ARID5B: variants seen among roughly 807,000 people sequenced by gnomAD.
ARID5B encodes the protein AT-rich interactive domain-containing protein 5B.
ARID5B carries 13 observed loss-of-function variants against 97.2 expected under a neutral mutation model. The observed-to-expected ratio is 0.13, with a 90% CI of 0.09 to 0.21. The LOEUF (loss-of-function observed/expected upper bound fraction) is 0.21, where lower values mean the gene tolerates loss of function less well. Among genes scored for constraint, ARID5B ranks in the 10% least tolerant of loss-of-function variants. The pLI is 1.00. For missense variants in ARID5B, 1,210 were observed against 1,465.3 expected (o/e 0.83, Z 2.84); for synonymous variants, 556 against 570.3 (o/e 0.97, Z 0.36).
At chr10:62,006,817 T>G (rs569735391) in intron 4 of ARID5B, among the ~76,000 whole-genome samples, 1 of 152,346 alleles carries the variant, frequency 6.6e-6, no homozygotes, top group South Asian at 2.1e-4. Flanking sequence ...ATTTCTTTTC[T>G]GTTTTTGGAA....
At chr10:61,946,236 G>T (rs1308233418) in intron 3 of ARID5B, among the ~76,000 whole-genome samples, 1 of 152,036 alleles carries the variant, frequency 6.6e-6, no homozygotes, top group Non-Finnish European at 1.5e-5. Context: ...ATTGCAAATG[G>T]TTGTTTCAGA....
chr10:61,921,720 C>T (rs1257131264), intron 2 of ARID5B, among the ~76,000 whole-genome samples: 1 of 152,328 alleles, frequency 6.6e-6, no homozygotes, highest in South Asian at 2.1e-4. Flanking sequence ...ATCTTCGAGG[C>T]CACCTATTAC....
chr10:61,950,304 C>T (rs547349046), intron 3 of ARID5B, among the ~76,000 whole-genome samples: 1 of 152,314 alleles, frequency 6.6e-6, no homozygotes, highest in East Asian at 1.9e-4. Flanking sequence ...CCATGCCTGG[C>T]CCGGACCATC....
intron 8 of ARID5B, among the ~76,000 whole-genome samples, chr10:62,072,149 C>A (rs549218598): frequency 2.0e-5 from 3 of 152,094 alleles, no homozygotes; most frequent in Non-Finnish European, 2.9e-5. Flanking sequence ...AAGGAGTCAC[C>A]CAACCAGCAC....
intron 2 of ARID5B, among the ~76,000 whole-genome samples, chr10:61,908,345 A>C (rs777114336): frequency 6.6e-6 from 1 of 152,228 alleles, no homozygotes; most frequent in African/African-American, 2.4e-5. Flanking sequence ...TAAAAATGTA[A>C]AAGCAATATG....
In ARID5B at chr10:62,092,189, G is replaced by A; in HGVS notation, c.2726G>A (p.Ser909Asn). 3.1e-6 allele frequency: 5 copies of A among 1,610,394 alleles called. No individual in the cohort carries two copies. The highest frequency in any genetic ancestry group is 4.2e-6 in the Non-Finnish European group (5 of 1,178,608). The change falls in exon 10 of 10, where the codon AGC (serine) becomes AAC (asparagine). Residue 909 changes from serine to asparagine, a missense_variant. Ser to Asn is a conservative substitution (Grantham distance 46, BLOSUM62 1). Coordinates refer to ENST00000279873, the MANE Select transcript of ARID5B (RefSeq NM_032199.3). ...ACGGATGATCAGCCTACAGATCTGA[G>A]CCTTCCCAAGAACCCGCACAAACCT... is the stretch of plus-strand genomic sequence containing the variant. The part of the protein sequence containing the change: ...APTDDQPTDL[S>N]LPKNPHKPTG...
chr10:61,973,194 G>T (rs942188589), intron 3 of ARID5B, among the ~76,000 whole-genome samples: 7 of 152,112 alleles, frequency 4.6e-5, no homozygotes, highest in African/African-American at 1.4e-4. Context: ...AATGTTCTGG[G>T]TCTATGCTGT....
At position 62,091,419 on chromosome 10, in the gene ARID5B, G is replaced by A. The variant is rs1408278304; in HGVS notation, c.1956G>A (p.Gln652=). Residue 652 remains glutamine (Q), a synonymous_variant, in exon 10 of 10, where the codon CAG becomes CAA. Coordinates refer to ENST00000279873, the MANE Select transcript of ARID5B (RefSeq NM_032199.3). ...LKQTPKVLVV[Q]SFDMFKDKDL... ...AGACCCCAAAGGTCCTTGTGGTCCAGTCGTTTGACATGTTCAAAGACAAAG... is the reference window on the plus strand; with the variant it reads ...AGACCCCAAAGGTCCTTGTGGTCCAATCGTTTGACATGTTCAAAGACAAAG... The A allele has an allele frequency of 6.2e-7, 1 of 1,613,014 alleles. No homozygotes were observed. Among genetic ancestry groups the A allele is most frequent in the Admixed American group, 1.7e-5 (1 of 59,924 alleles).
At chr10:61,937,380 G>A (rs942410887) in intron 2 of ARID5B, among the ~76,000 whole-genome samples, 5 of 152,148 alleles carry the variant, frequency 3.3e-5, no homozygotes, top group Admixed American at 3.3e-4. Context: ...CTTCTTGACT[G>A]GATGAGCTCC....
In ARID5B at chr10:62,096,439, G is replaced by A. The variant is rs1025125647; in HGVS notation, c.*3409G>A. On this transcript the variant is annotated 3_prime_UTR_variant, in exon 10 of 10. Transcript: ENST00000279873. Reference sequence around the variant, plus strand: ...CTTGTCCCAATTTTAAAGAGAAATGGGAATGAGTTTGCCCTGGTGAGACCC... The same window carrying A: ...CTTGTCCCAATTTTAAAGAGAAATGAGAATGAGTTTGCCCTGGTGAGACCC... 1 of 233,382 alleles carries A rather than the reference G, an allele frequency of 4.3e-6. No homozygotes were observed. The highest frequency in any genetic ancestry group is 8.5e-6 in the Non-Finnish European group (1 of 118,004). The allele number at this position is 233,382 out of a possible 1,614,324, so 14.5% of individuals were successfully genotyped here.
intron 3 of ARID5B, among the ~76,000 whole-genome samples, chr10:61,985,230 T>C (rs1297803562): frequency 4.0e-5 from 6 of 151,764 alleles, no homozygotes; most frequent in African/African-American, 1.2e-4. Flanking sequence ...GGTGCAAAAG[T>C]AATTGCGGTT....
intron 3 of ARID5B, among the ~76,000 whole-genome samples, chr10:61,944,375 T>G (rs1385941383): frequency 6.6e-6 from 1 of 152,214 alleles, no homozygotes; most frequent in East Asian, 1.9e-4. Flanking sequence ...GTGGACTTGA[T>G]ACCCATATTT....
At chr10:62,027,633 T>C (rs1364174331) in intron 4 of ARID5B, among the ~76,000 whole-genome samples, 1 of 152,028 alleles carries the variant, frequency 6.6e-6, no homozygotes, top group Admixed American at 6.6e-5. Context: ...AAGAATAAAA[T>C]GGTCCTTCCC....
chr10:61,907,208 G>A (rs1421394092), intron 2 of ARID5B, among the ~76,000 whole-genome samples: 1 of 150,848 alleles, frequency 6.6e-6, no homozygotes, highest in Non-Finnish European at 1.5e-5. Flanking sequence ...TAGTGCAGAA[G>A]TAAACTGTCA....
At chr10:61,914,097 C>T (rs1293957126) in intron 2 of ARID5B, among the ~76,000 whole-genome samples, 1 of 152,152 alleles carries the variant, frequency 6.6e-6, no homozygotes, top group Non-Finnish European at 1.5e-5. Flanking sequence ...TACACAGAAG[C>T]CAGGATTGAT....
chr10:61,985,473 T>TA (rs1838834666), intron 3 of ARID5B, among the ~76,000 whole-genome samples: 1 of 152,038 alleles, frequency 6.6e-6, no homozygotes, highest in African/African-American at 2.4e-5. Flanking sequence ...CCTTTTTTTT[T>TA]AACCACATAT....
Position 62,096,401 on chromosome 10 carries a change from G to A in ARID5B, c.*3371G>A, listed in dbSNP as rs116516692. 1.4e-3 allele frequency: 336 copies of A among 233,566 alleles called. No individual in the cohort carries two copies. Among genetic ancestry groups the A allele is most frequent in the African/African-American group, 6.8e-3 (310 of 45,444 alleles). 14.5% of individuals were successfully genotyped at this position (233,566 alleles called of 1,614,324 possible). The stretch of plus-strand genomic sequence containing the variant: ...GTGGTGGTCAGCCAAGTCGCATCTG[G>A]TCTAGTTTTACTCTTGTCCCAATTT... On this transcript the variant is annotated 3_prime_UTR_variant, in exon 10 of 10. Transcript: ENST00000279873.
chr10:61,907,515 G>A (rs1344800771), intron 2 of ARID5B, among the ~76,000 whole-genome samples: 1 of 152,172 alleles, frequency 6.6e-6, no homozygotes, highest in African/African-American at 2.4e-5. Context: ...AATGAAAAGG[G>A]TCTGGAATCT....
At chr10:62,078,060 GA>G (rs1840161837) in intron 8 of ARID5B, among the ~76,000 whole-genome samples, 1 of 152,224 alleles carries the variant, frequency 6.6e-6, no homozygotes, top group East Asian at 1.9e-4. Context: ...TGTTGTGGGA[GA>G]ACTGTTGAAC....
Sources: allele counts gnomAD v4.1 joint callset (sites outside exome capture counted in the v4.1 genomes callset), GRCh38; gene constraint gnomAD v4.1.1; transcripts MANE v1.5; gene names NCBI Gene and HGNC (gene_info 2026-07-23, HGNC 2026-07-21).